TCFL5: variants seen among roughly 807,000 people sequenced by gnomAD.
TCFL5 encodes transcription factor-like 5 protein.
In TCFL5, 9 loss-of-function variants were observed where a neutral mutation model predicts 44.3. The observed-to-expected ratio is 0.20, with a 90% CI of 0.12 to 0.35. The LOEUF is 0.35. Among genes scored for constraint, TCFL5 ranks in the 10% least tolerant of loss-of-function variants. The pLI is 1.00. For synonymous variants in TCFL5, 319 were observed against 271.6 expected (o/e 1.17, Z -1.72); for missense variants, 603 against 613.4 (o/e 0.98, Z 0.18).
At chr20:62,852,307 A>G (rs1048654434) in intron 5 of TCFL5, 1 of 944,212 alleles carries the variant, frequency 1.1e-6, no homozygotes, top group East Asian at 1.3e-4. Flanking sequence ...TGCAACGCTG[A>G]GGCCGGGACC....
In TCFL5 at chr20:62,861,412, G is replaced by T; in HGVS notation, c.259C>A (p.Pro87Thr). The stretch of plus-strand genomic sequence containing the variant: ...GCGAAGCCGCCCGCGCCTGCGCCCG[G>T]GCCCGCCGCCGCCAGCAGCGCCGAG... ...LNSALLAAAG[P>T]GAGAGGFAAG... The change falls in exon 1 of 6, where the codon CCG (proline) becomes ACG (threonine). Residue 87 changes from proline (P) to threonine (T), a missense_variant. Physicochemically the swap from Pro to Thr is conservative, Grantham distance 38. Transcript: ENST00000335351. The surrounding 1 kb of genome is among the most constrained non-coding windows in gnomAD (Gnocchi z 4.0). 9.0e-7 allele frequency: 1 copy of T among 1,115,626 alleles called. No individual in the cohort carries two copies. The highest frequency in any genetic ancestry group is 5.6e-5 in the East Asian group (1 of 17,980). The allele number at this position is 1,115,626 out of a possible 1,614,324, so 69.1% of individuals were successfully genotyped here.
intron 5 of TCFL5, among the ~76,000 whole-genome samples, chr20:62,850,426 C>G (rs757158659): frequency 7.2e-5 from 11 of 151,978 alleles, no homozygotes; most frequent in Non-Finnish European, 1.6e-4. Flanking sequence ...CAGTAAACAG[C>G]CCCATCCACC....
chr20:62,860,463 G>A (rs1327412968), intron 1 of TCFL5, among the ~76,000 whole-genome samples, 155 bp from the exon 2 acceptor site: 2 of 152,208 alleles, frequency 1.3e-5, no homozygotes, highest in Admixed American at 6.5e-5. Context: ...TCGCTGCTGT[G>A]GAAGTCCTCC....
In TCFL5 at chr20:62,857,377, A is replaced by G. The variant is rs1186298885; in HGVS notation, c.1238+18T>C. The stretch of plus-strand genomic sequence containing the variant: ...TAATCATATATGAGTCAGCCTGACA[A>G]GCAGTCACACGTATTACCTTCTATC... On this transcript the variant is annotated intron_variant, in intron 4 of 5. Coordinates refer to ENST00000335351, the MANE Select transcript of TCFL5 (RefSeq NM_006602.4). The G allele has an allele frequency of 3.1e-6, 5 of 1,612,360 alleles. No homozygotes were observed. The South Asian group carries it at 5.5e-5, about 18-fold the overall frequency.
chr20:62,841,868 G>A lies in TCFL5; in HGVS notation c.*107C>T, dbSNP rs138009410. ...CTGGAGTCCCGTCAGCTTGAGTCAC[G>A]CCCTTTTCGAGTCAGACTAGCCGAG... On this transcript the variant is annotated 3_prime_UTR_variant, in exon 6 of 6. Coordinates refer to ENST00000335351, the MANE Select transcript of TCFL5 (RefSeq NM_006602.4). 3.6e-4 allele frequency: 526 copies of A among 1,473,502 alleles called. 1 individual carries two copies. The highest frequency in any genetic ancestry group is 4.3e-4 in the Non-Finnish European group (475 of 1,094,898). The allele number at this position is 1,473,502 out of a possible 1,614,324, so 91.3% of individuals were successfully genotyped here.
intron 5 of TCFL5, chr20:62,845,781 G>A: frequency 6.2e-7 from 1 of 1,605,716 alleles, no homozygotes; most frequent in Admixed American, 1.7e-5. Context: ...GGAAGAGCTG[G>A]AGAATGGGGA....
chr20:62,851,525 A>C, intron 5 of TCFL5: 1 of 985,400 alleles, frequency 1.0e-6, no homozygotes, highest in African/African-American at 1.7e-5. Flanking sequence ...TTATCAAAAC[A>C]AATCAACAGT....
chr20:62,856,119 G>A (rs749549161), intron 4 of TCFL5, among the ~76,000 whole-genome samples: 31 of 151,370 alleles, frequency 2.0e-4, no homozygotes, highest in African/African-American at 6.8e-4. Flanking sequence ...GCGTAGTGGC[G>A]GGTACCTGTA....
intron 5 of TCFL5, among the ~76,000 whole-genome samples, chr20:62,846,608 TAAC>T (rs1041349100): frequency 7.9e-5 from 12 of 152,060 alleles, no homozygotes; most frequent in East Asian, 5.8e-4. Context: ...ATGAGAAGAA[TAAC>T]AACAAGACGG....
At chr20:62,860,514 C>G (rs1009397497) in intron 1 of TCFL5, among the ~76,000 whole-genome samples, 2 of 152,256 alleles carry the variant, frequency 1.3e-5, no homozygotes, top group African/African-American at 4.8e-5. Context: ...CACCTCCCTG[C>G]TCTCATCACA....
At chr20:62,856,252 C>CAAAAAAAAAAA (rs11473595) in intron 4 of TCFL5, among the ~76,000 whole-genome samples, 24 of 63,480 alleles carry the variant, frequency 3.8e-4, no homozygotes, top group Admixed American at 5.6e-4. Context: ...GACTCCGTCT[C>CAAAAAAAAAAA]AAAAAAAAAA....
Position 62,861,654 on chromosome 20 carries a change from G to A in TCFL5, c.17C>T (p.Pro6Leu), listed in dbSNP as rs2064013741. 21 of 905,530 alleles carry A rather than the reference G, an allele frequency of 2.3e-5. No homozygotes were observed. The highest frequency in any genetic ancestry group is 1.2e-4 in the East Asian group (1 of 8,476). 56.1% of individuals were successfully genotyped at this position (905,530 alleles called of 1,614,324 possible). The change falls in exon 1 of 6, where the codon CCG (proline) becomes CTG (leucine). Residue 6 changes from proline (P) to leucine (L), a missense_variant. By Grantham distance (98) the Pro-to-Leu change is moderately conservative. Around this residue, in one of 4 missense-constraint regions of TCFL5, gnomAD observed 540 missense variants for 478.7 expected, o/e 1.13. Coordinates refer to ENST00000335351, the MANE Select transcript of TCFL5 (RefSeq NM_006602.4). This position sits in a 1 kb window ranked among gnomAD's most constrained non-coding sequence, Gnocchi z 4.0. ...GCCTGCCTCCGGCGGCGGCTCCCGC[G>A]GTCCGGGGCCCGACATGGCGGCGCG... MSGPG[P>L]REPPPEAGAA...
intron 3 of TCFL5, among the ~76,000 whole-genome samples, chr20:62,858,202 G>A (rs73321030): frequency 0.049 from 7,489 of 152,338 alleles, 267 homozygotes; most frequent in Middle Eastern, 0.11. Context: ...AAGAAGTAGC[G>A]TCCGAGCTTT....
In TCFL5 at chr20:62,860,223, T is replaced by C. The variant is rs1167236695; in HGVS notation, c.733A>G (p.Lys245Glu). 2 of 1,613,962 alleles carry C rather than the reference T, an allele frequency of 1.2e-6. No individual in the cohort carries two copies. The highest frequency in any genetic ancestry group is 1.7e-5 in the Admixed American group (1 of 60,026). The stretch of plus-strand genomic sequence containing the variant: ...AAAGCAGTAGTTGTAGCCGCAGTTT[T>C]ATTTTTCACTAATGCTGTACATTTG... ...QNKCTALVKN[K>E]TAATTTALQF... The change falls in exon 2 of 6, where the codon AAA (lysine) becomes GAA (glutamate). Residue 245 changes from lysine (K) to glutamate (E), a missense_variant. By Grantham distance (56) the Lys-to-Glu change is moderately conservative. Coordinates refer to ENST00000335351, the MANE Select transcript of TCFL5 (RefSeq NM_006602.4).
intron 5 of TCFL5, chr20:62,845,025 A>G (rs2063723436): frequency 1.0e-6 from 1 of 985,930 alleles, no homozygotes; most frequent in Admixed American, 6.1e-5. Context: ...CCACCCATCC[A>G]CTTTTAAGCA....
At position 62,845,702 on chromosome 20, in the gene TCFL5, C is replaced by G. The variant is rs769296200; in HGVS notation, c.1381-3605G>C. 8 of 1,606,704 alleles carry G rather than the reference C, an allele frequency of 5.0e-6. No individual in the cohort carries two copies. The African/African-American group carries it at 1.1e-4, about 21-fold the overall frequency. On this transcript the variant is annotated intron_variant, in intron 5 of 5. Transcript: ENST00000335351. ...ATGACGAGGTGGAAATCGAGGACTTCCAATATGACGAGGACTCGGAGACAT... is the reference window on the plus strand; with the variant it reads ...ATGACGAGGTGGAAATCGAGGACTTGCAATATGACGAGGACTCGGAGACAT...
chr20:62,861,296 G>A lies in TCFL5; in HGVS notation c.375C>T (p.Asp125=). 3.3e-6 allele frequency: 4 copies of A among 1,207,938 alleles called. No homozygotes were observed. Among genetic ancestry groups the A allele is most frequent in the East Asian group, 6.0e-5 (1 of 16,686 alleles). 74.8% of individuals were successfully genotyped at this position (1,207,938 alleles called of 1,614,324 possible). A position where few individuals can be genotyped will look rare whatever the true frequency, so the allele number is the denominator to read the frequency against. The change falls in exon 1 of 6, where the codon GAC becomes GAT. Residue 125 remains aspartate (D), a synonymous_variant. Transcript: ENST00000335351. The surrounding 1 kb of genome is among the most constrained non-coding windows in gnomAD (Gnocchi z 4.0). ...GCAGCATCATGCGCAGCTCCTGGAA[G>A]TCGATGTGGCCCAGGCAGGGCGCGT... ...AADAPCLGHI[D]FQELRMMLLS...
intron 3 of TCFL5, 62 bp from the exon 4 acceptor site, chr20:62,857,700 T>C: frequency 6.4e-7 from 1 of 1,570,330 alleles, no homozygotes; most frequent in Non-Finnish European, 8.6e-7. Flanking sequence ...TAATGCTGAA[T>C]ACAGTTTTGG....
chr20:62,858,359 GGA>G (rs1288606474), intron 3 of TCFL5, among the ~76,000 whole-genome samples: 4 of 151,904 alleles, frequency 2.6e-5, no homozygotes, highest in Non-Finnish European at 4.4e-5. Flanking sequence ...GCTTTCAGCA[GGA>G]GAGAGAGGAA....
Sources: allele counts gnomAD v4.1 joint callset (sites outside exome capture counted in the v4.1 genomes callset), GRCh38; gene constraint gnomAD v4.1.1; regional missense constraint gnomAD v4.1.1; non-coding constraint Gnocchi (gnomAD v3.1); transcripts MANE v1.5; gene names NCBI Gene and HGNC (gene_info 2026-07-23, HGNC 2026-07-21).